The following HPSE2 variants were observed in gnomAD, a reference collection of about 807,000 sequenced individuals.
The protein encoded by HPSE2 is heparanase 2 (inactive).
In HPSE2, 38 loss-of-function variants were observed where a neutral mutation model predicts 60.5. That is an observed-to-expected ratio of 0.63 (90% CI 0.48 to 0.82). HPSE2 has a LOEUF of 0.82. HPSE2 is among the 40% of genes least tolerant of loss of function. HPSE2 has a pLI of 0.00. For synonymous variants in HPSE2, 295 were observed against 293.2 expected (o/e 1.01, Z -0.06); for missense variants, 713 against 740.4 (o/e 0.96, Z 0.43).
intron 3 of HPSE2, among the ~76,000 whole-genome samples, chr10:99,087,813 C>T (rs995149579): frequency 7.2e-5 from 11 of 152,122 alleles, no homozygotes; most frequent in Middle Eastern, 3.4e-3. Context: ...TTTTATTTCA[C>T]GGTCTAAATA....
intron 3 of HPSE2, among the ~76,000 whole-genome samples, chr10:98,962,849 A>G (rs1955714547): frequency 6.6e-6 from 1 of 151,928 alleles, no homozygotes; most frequent in Non-Finnish European, 1.5e-5. Flanking sequence ...AAAGAGAATA[A>G]AATACCTAGG....
chr10:98,930,800 C>T (rs914099279), intron 3 of HPSE2, among the ~76,000 whole-genome samples: 1 of 144,300 alleles, frequency 6.9e-6, no homozygotes, highest in Non-Finnish European at 1.5e-5. Flanking sequence ...ATACACTTTG[C>T]CTACTTTTTG....
At chr10:98,992,893 C>A (rs1956558364) in intron 3 of HPSE2, among the ~76,000 whole-genome samples, 2 of 152,160 alleles carry the variant, frequency 1.3e-5, no homozygotes, top group Non-Finnish European at 2.9e-5. Flanking sequence ...TGACCTTGGA[C>A]AAATTATTTC....
chr10:98,672,247 C>G (rs1947525170), intron 6 of HPSE2, among the ~76,000 whole-genome samples: 1 of 152,118 alleles, frequency 6.6e-6, no homozygotes, highest in African/African-American at 2.4e-5. Context: ...CAGGAAACAG[C>G]TATCCACCTT....
chr10:99,305,961 A>ATACGCG, the HPSE2 span, among the ~76,000 whole-genome samples: 72 of 103,030 alleles, frequency 7.0e-4, 8 homozygotes, highest in East Asian at 2.1e-3. Context: ...ACTCACACAC[A>ATACGCG]CGCGCGCGCG....
At chr10:98,744,225 A>C (rs1949570954) in intron 3 of HPSE2, among the ~76,000 whole-genome samples, 169 bp from the exon 4 acceptor site, 1 of 152,114 alleles carries the variant, frequency 6.6e-6, no homozygotes, top group South Asian at 2.1e-4. Flanking sequence ...TTTCAAGTTG[A>C]CTTTAGAAAG....
At chr10:98,643,200 C>T (rs1173157844) in intron 6 of HPSE2, among the ~76,000 whole-genome samples, 1 of 152,152 alleles carries the variant, frequency 6.6e-6, no homozygotes, top group Non-Finnish European at 1.5e-5. Context: ...GTATTAATAA[C>T]TATATGATCT....
At chr10:99,194,663 C>T (rs2133868769) in intron 2 of HPSE2, among the ~76,000 whole-genome samples, 1 of 151,610 alleles carries the variant, frequency 6.6e-6, no homozygotes, top group Middle Eastern at 3.4e-3. Context: ...AAGAAACAAA[C>T]ACATACAACT....
At chr10:98,938,600 T>G (rs1288632252) in intron 3 of HPSE2, among the ~76,000 whole-genome samples, 1 of 143,976 alleles carries the variant, frequency 6.9e-6, no homozygotes, top group East Asian at 2.0e-4. Flanking sequence ...AGACCAAATC[T>G]ACGTCTGATT....
chr10:99,152,900 TGC>T (rs1846336020), intron 2 of HPSE2, among the ~76,000 whole-genome samples: 1 of 152,202 alleles, frequency 6.6e-6, no homozygotes, highest in Admixed American at 6.5e-5. Context: ...GCGCGCATCG[TGC>T]GCGAGCCGAA....
intron 9 of HPSE2, among the ~76,000 whole-genome samples, chr10:98,529,270 A>G (rs1318727441): frequency 1.3e-5 from 2 of 152,232 alleles, no homozygotes; most frequent in African/African-American, 4.8e-5. Context: ...TTGTGTTGAG[A>G]TAGACTAACA....
chr10:98,513,181 A>G (rs1488356837), intron 9 of HPSE2, among the ~76,000 whole-genome samples: 6 of 152,168 alleles, frequency 3.9e-5, no homozygotes, highest in African/African-American at 1.4e-4. Flanking sequence ...TGAGGTATCT[A>G]TGTTCCCCTT....
intron 3 of HPSE2, among the ~76,000 whole-genome samples, chr10:98,983,048 C>T (rs1178193997): frequency 2.6e-5 from 4 of 152,130 alleles, no homozygotes; most frequent in Non-Finnish European, 5.9e-5. Flanking sequence ...CTATTAAATG[C>T]CAGACAATGT....
At chr10:98,626,400 CATTT>C (rs1248019380) in intron 7 of HPSE2, among the ~76,000 whole-genome samples, 2 of 152,232 alleles carry the variant, frequency 1.3e-5, no homozygotes, top group East Asian at 3.9e-4. Flanking sequence ...TTCATTCATT[CATTT>C]ATTTTCCAAC....
At chr10:98,929,362 T>A (rs1166391192) in intron 3 of HPSE2, among the ~76,000 whole-genome samples, 4 of 144,304 alleles carry the variant, frequency 2.8e-5, no homozygotes. Context: ...CTACTCCTGA[T>A]AAAATAAAAA....
chr10:99,107,611 C>T (rs1276434586), intron 3 of HPSE2, among the ~76,000 whole-genome samples: 1 of 152,128 alleles, frequency 6.6e-6, no homozygotes, highest in East Asian at 1.9e-4. Flanking sequence ...GTTTAGTGAG[C>T]TACCCTGGAA....
chr10:98,616,697 A>G (rs1327837114), intron 8 of HPSE2, among the ~76,000 whole-genome samples: 1 of 152,212 alleles, frequency 6.6e-6, no homozygotes, highest in African/African-American at 2.4e-5. Flanking sequence ...AGCAAAACAC[A>G]AAAGTTTTAA....
At chr10:98,836,819 T>C (rs929845604) in intron 3 of HPSE2, among the ~76,000 whole-genome samples, 1 of 152,100 alleles carries the variant, frequency 6.6e-6, no homozygotes, top group Non-Finnish European at 1.5e-5. Context: ...GGCAGGTGGA[T>C]CATGAGGTCA....
chr10:98,836,734 G>A (rs1273934644), intron 3 of HPSE2, among the ~76,000 whole-genome samples: 2 of 152,116 alleles, frequency 1.3e-5, no homozygotes, highest in Non-Finnish European at 2.9e-5. Context: ...AATTATGTAG[G>A]ATAATCTTTC....
Sources: gnomAD v4.1 joint callset for allele counts (sites outside exome capture counted in the v4.1 genomes callset) on GRCh38, gnomAD v4.1.1 for gene constraint, MANE v1.5 for transcripts, NCBI Gene and HGNC (gene_info 2026-07-23, HGNC 2026-07-21) for gene names.